The following CHAMP1 variants were observed in gnomAD, a reference collection of about 807,000 sequenced individuals.
CHAMP1 encodes the protein chromosome alignment-maintaining phosphoprotein 1.
In CHAMP1, 4 loss-of-function variants were observed where a neutral mutation model predicts 54.5. The ratio of observed to expected loss-of-function variants is 0.07; its 90% CI spans 0.04 to 0.17. The LOEUF (loss-of-function observed/expected upper bound fraction) is 0.17. CHAMP1 is among the 10% of genes least tolerant of loss of function. The pLI, the probability that CHAMP1 is intolerant of heterozygous loss-of-function variation, is 1.00. For synonymous variants in CHAMP1, 368 were observed against 342.2 expected, an observed-to-expected ratio of 1.08 and a Z score of -0.83; for missense variants, 994 against 968.6, an observed-to-expected ratio of 1.03 and a Z score of -0.35.
intron 1 of CHAMP1, among the ~76,000 whole-genome samples, chr13:114,314,863 AG>A (rs2087075820): frequency 6.6e-6 from 1 of 152,176 alleles, no homozygotes; most frequent in Non-Finnish European, 1.5e-5. Flanking sequence ...GCCCGGTGTC[AG>A]TCGCTGCCGA....
chr13:114,325,854 T>C lies in CHAMP1; in HGVS notation c.2012T>C (p.Met671Thr), dbSNP rs781958255. The change falls in exon 3 of 3, where the codon ATG becomes ACG. Residue 671 changes from methionine (M) to threonine (T), a missense_variant. Around this residue, in one of 3 missense-constraint regions of CHAMP1, gnomAD observed 851 missense variants for 701.3 expected, o/e 1.21. Coordinates refer to ENST00000361283, the MANE Select transcript of CHAMP1 (RefSeq NM_032436.4). ...ATTGATTTTAGCAAAGAGAACAAAA[T>C]GGACATGACTAGTCCAGAGCAGTCT... is the stretch of plus-strand genomic sequence containing the variant. ...ESIDFSKENK[M>T]DMTSPEQSRN... 2 of 1,614,012 alleles carry C rather than the reference T, an allele frequency of 1.2e-6. No individual in the cohort carries two copies. Among genetic ancestry groups the C allele is most frequent in the Admixed American group, 1.7e-5 (1 of 59,998 alleles).
intron 1 of CHAMP1, among the ~76,000 whole-genome samples, chr13:114,319,967 A>G (rs2139412219): frequency 6.6e-6 from 1 of 152,308 alleles, no homozygotes; most frequent in Non-Finnish European, 1.5e-5. Flanking sequence ...CAAATTGTAT[A>G]CTGTAGGTGT....
intron 1 of CHAMP1, among the ~76,000 whole-genome samples, chr13:114,315,462 T>C (rs183921005): frequency 6.0e-5 from 9 of 149,926 alleles, no homozygotes; most frequent in Admixed American, 1.3e-4. Context: ...CAGATGTCTA[T>C]CAACATGTGG....
chr13:114,316,737 C>G (rs1283468029), intron 1 of CHAMP1, among the ~76,000 whole-genome samples: 4 of 151,548 alleles, frequency 2.6e-5, no homozygotes, highest in African/African-American at 9.7e-5. Flanking sequence ...ATGCTTGGAA[C>G]CAGAAGTGCT....
chr13:114,323,788 C>T lies in CHAMP1; in HGVS notation c.-55C>T. 1 of 1,516,516 alleles carries T rather than the reference C, an allele frequency of 6.6e-7. No individual in the cohort carries two copies. Among genetic ancestry groups the T allele is most frequent in the Non-Finnish European group, 8.8e-7 (1 of 1,131,834 alleles). 93.9% of individuals were successfully genotyped at this position (1,516,516 alleles called of 1,614,324 possible). A position where few individuals can be genotyped will look rare whatever the true frequency, so the allele number is the denominator to read the frequency against. On this transcript the variant is annotated splice_region_variant and 5_prime_UTR_variant, in exon 3 of 3. Transcript: ENST00000361283. ...ATAATTTATTCCTACTTTATTGCAGCAGTATTGAAAGTTTTTAAAGAATAT... is the reference window on the plus strand; with the variant it reads ...ATAATTTATTCCTACTTTATTGCAGTAGTATTGAAAGTTTTTAAAGAATAT...
chr13:114,324,111 A>C lies in CHAMP1; in HGVS notation c.269A>C (p.Lys90Thr). ...ACATCCAAACATGCATCCCCAGACA[A>C]ATGGAATGATAAACCAAAAAATCAG... ...HITSKHASPD[K>T]WNDKPKNQLN... Residue 90 changes from lysine to threonine, a missense_variant, in exon 3 of 3, where the codon AAA becomes ACA. By Grantham distance (78) the Lys-to-Thr change is moderately conservative. Transcript: ENST00000361283. The C allele has an allele frequency of 6.2e-7, 1 of 1,614,216 alleles. No individual in the cohort carries two copies. The highest frequency in any genetic ancestry group is 8.5e-7 in the Non-Finnish European group (1 of 1,180,038).
In CHAMP1 at chr13:114,323,892, A is replaced by ACCC. The variant is rs1325048956; in HGVS notation, c.52_53insCCC (p.Asp17_His18insPro). On this transcript the variant is annotated inframe_insertion, in exon 3 of 3. Coordinates refer to ENST00000361283, the MANE Select transcript of CHAMP1 (RefSeq NM_032436.4). ...AAACCATCAGCACGTTTGGAGTGTGACCATTGCAGTTTCAGAGGCACAGAC... is the reference window on the plus strand; with the variant it reads ...AAACCATCAGCACGTTTGGAGTGTGACCCCCATTGCAGTTTCAGAGGCACAGAC... The ACCC allele has an allele frequency of 6.2e-7, 1 of 1,613,670 alleles. No individual in the cohort carries two copies. Among genetic ancestry groups the ACCC allele is most frequent in the Non-Finnish European group, 8.5e-7 (1 of 1,179,738 alleles).
Position 114,326,077 on chromosome 13 carries a change from G to A in CHAMP1, c.2235G>A (p.Lys745=), listed in dbSNP as rs2087247058. The change falls in exon 3 of 3, where the codon AAG becomes AAA. Residue 745 remains lysine, a synonymous_variant. Transcript: ENST00000361283. ...CTTACAAATGCACAATCTGTGGAAA[G>A]GCTTTTCTTTTGGAATCTCTCCTTA... The part of the protein sequence containing the change: ...HSPYKCTICG[K]AFLLESLLKN... 1 of 1,612,026 alleles carries A rather than the reference G, an allele frequency of 6.2e-7. No homozygotes were observed. Among genetic ancestry groups the A allele is most frequent in the Admixed American group, 1.7e-5 (1 of 59,700 alleles).
intron 2 of CHAMP1, chr13:114,322,701 A>C (rs1375842914): frequency 6.6e-6 from 1 of 152,246 alleles, no homozygotes; most frequent in Non-Finnish European, 1.5e-5. Flanking sequence ...AGGGAAAGTC[A>C]GTGCTTATTC....
chr13:114,324,349 A>G lies in CHAMP1; in HGVS notation c.507A>G (p.Thr169=). 6.2e-7 allele frequency: 1 copy of G among 1,613,652 alleles called. No homozygotes were observed. The change falls in exon 3 of 3, where the codon ACA becomes ACG. Residue 169 remains threonine (T), a synonymous_variant. Coordinates refer to ENST00000361283, the MANE Select transcript of CHAMP1 (RefSeq NM_032436.4). Reference sequence around the variant, plus strand: ...CTGTTGTTTCTCCTGAGCTACAGACACCTCTTCCTTCTCCTGAGCCTTCAA... The same window carrying G: ...CTGTTGTTTCTCCTGAGCTACAGACGCCTCTTCCTTCTCCTGAGCCTTCAA... ...PGSVVSPELQ[T]PLPSPEPSKP...
intron 1 of CHAMP1, among the ~76,000 whole-genome samples, chr13:114,315,899 C>T (rs2087093042): frequency 6.6e-6 from 1 of 150,794 alleles, no homozygotes; most frequent in Non-Finnish European, 1.5e-5. Flanking sequence ...TGCAATGGCC[C>T]GACCTTGGCT....
At chr13:114,320,559 A>G (rs1412227214) in intron 1 of CHAMP1, among the ~76,000 whole-genome samples, 1 of 152,166 alleles carries the variant, frequency 6.6e-6, no homozygotes, top group Non-Finnish European at 1.5e-5. Context: ...GAAGGATTTG[A>G]TTACACACAC....
Position 114,324,597 on chromosome 13 carries a change from C to T in CHAMP1, c.755C>T (p.Ala252Val), listed in dbSNP as rs114331585. The T allele has an allele frequency of 3.6e-4, 581 of 1,614,182 alleles. 3 individuals carry two copies. In the African/African-American group the frequency reaches 7.3e-3, roughly 20 times the overall value. Residue 252 changes from alanine (A) to valine (V), a missense_variant, in exon 3 of 3, where the codon GCT becomes GTT. By Grantham distance (64) the Ala-to-Val change is moderately conservative. Coordinates refer to ENST00000361283, the MANE Select transcript of CHAMP1 (RefSeq NM_032436.4). ...TCTCCAGAGTCACCAGTTCTAGCTG[C>T]TTCCCCAGAACCTTGGGGACCATCC... ...ASSPESPVLA[A>V]SPEPWGPSPA...
chr13:114,324,010 G>A lies in CHAMP1; in HGVS notation c.168G>A (p.Gln56=), dbSNP rs2087204882. The A allele has an allele frequency of 5.0e-6, 8 of 1,614,152 alleles. No homozygotes were observed. Among genetic ancestry groups the A allele is most frequent in the East Asian group, 2.2e-5 (1 of 44,886 alleles). Residue 56 remains glutamine (Q), a synonymous_variant, in exon 3 of 3, where the codon CAG becomes CAA. Transcript: ENST00000361283. ...AGGLGKMIFY[Q]KSAKLFHCHK... is the part of the protein sequence containing the mutation. ...GGCTAGGCAAAATGATATTTTACCAGAAAAGTGCAAAGTTATTTCACTGCC... is the reference window on the plus strand; with the variant it reads ...GGCTAGGCAAAATGATATTTTACCAAAAAAGTGCAAAGTTATTTCACTGCC...
rs896586263 is a variant in CHAMP1 at position 114,321,480 on chromosome 13, G to A, written c.-56+248G>A. On this transcript the variant is annotated intron_variant, in intron 2 of 2. Coordinates refer to ENST00000361283, the MANE Select transcript of CHAMP1 (RefSeq NM_032436.4). The stretch of plus-strand genomic sequence containing the variant: ...CAGCGGGAAGAGGAGGGATGGCTGG[G>A]AGGAATGGGGAATGGTAGGTGAGTC... Among the ~76,000 whole-genome samples the A allele has an allele frequency of 3.9e-5, 6 of 152,176 alleles. No individual in the cohort carries two copies. In the South Asian group the frequency reaches 6.2e-4, roughly 16 times the overall value.
In CHAMP1 at chr13:114,327,300, T is replaced by G. The variant is rs1235348984; in HGVS notation, c.*1019T>G. Reference sequence around the variant, plus strand: ...TTTGTCAAATGTGTATCAACCAAATTAAAAAGAAAGGTTTTCATGTCAGCA... The same window carrying G: ...TTTGTCAAATGTGTATCAACCAAATGAAAAAGAAAGGTTTTCATGTCAGCA... On this transcript the variant is annotated 3_prime_UTR_variant, in exon 3 of 3. Coordinates refer to ENST00000361283, the MANE Select transcript of CHAMP1 (RefSeq NM_032436.4). 1.3e-5 allele frequency: 2 copies of G among 155,778 alleles called. No individual in the cohort carries two copies. Among genetic ancestry groups the G allele is most frequent in the African/African-American group, 4.8e-5 (2 of 41,450 alleles). The allele number at this position is 155,778 out of a possible 1,614,324, so 9.6% of individuals were successfully genotyped here.
chr13:114,316,469 A>G (rs1204805930), intron 1 of CHAMP1, among the ~76,000 whole-genome samples: 3 of 151,564 alleles, frequency 2.0e-5, no homozygotes, highest in African/African-American at 7.3e-5. Flanking sequence ...GCGCGCCTGT[A>G]GTCCCAGCTA....
chr13:114,324,365 G>A lies in CHAMP1; in HGVS notation c.523G>A (p.Glu175Lys). The A allele has an allele frequency of 5.6e-6, 9 of 1,614,014 alleles. No homozygotes were observed. Among genetic ancestry groups the A allele is most frequent in the Non-Finnish European group, 7.6e-6 (9 of 1,180,014 alleles). ...PELQTPLPSP[E>K]PSKPASVSSP... is the part of the protein sequence containing the mutation. ...GCTACAGACACCTCTTCCTTCTCCT[G>A]AGCCTTCAAAACCTGCCTCTGTTTC... The change falls in exon 3 of 3, where the codon GAG (glutamate) becomes AAG (lysine). Residue 175 changes from glutamate (E) to lysine (K), a missense_variant. By Grantham distance (56) the Glu-to-Lys change is moderately conservative (BLOSUM62 1). Coordinates refer to ENST00000361283, the MANE Select transcript of CHAMP1 (RefSeq NM_032436.4).
In CHAMP1 at chr13:114,325,816, T is replaced by A. The variant is rs1566793035; in HGVS notation, c.1974T>A (p.Val658=). 1.2e-6 allele frequency: 2 copies of A among 1,614,194 alleles called. No homozygotes were observed. Among genetic ancestry groups the A allele is most frequent in the Non-Finnish European group, 1.7e-6 (2 of 1,180,034 alleles). ...GQESSSDQEQ[V]DVESIDFSKE... ...AATCAAGCAGTGATCAAGAGCAGGT[T>A]GATGTGGAATCCATTGATTTTAGCA... The change falls in exon 3 of 3, where the codon GTT becomes GTA. Residue 658 remains valine (V), a synonymous_variant. Coordinates refer to ENST00000361283, the MANE Select transcript of CHAMP1 (RefSeq NM_032436.4).
Sources: allele counts gnomAD v4.1 joint callset (sites outside exome capture counted in the v4.1 genomes callset), GRCh38; gene constraint gnomAD v4.1.1; regional missense constraint gnomAD v4.1.1; transcripts MANE v1.5; gene names NCBI Gene and HGNC (gene_info 2026-07-23, HGNC 2026-07-21).